The following COL20A1 variants were observed in gnomAD, a reference collection of about 807,000 sequenced individuals.
COL20A1 encodes the protein collagen type XX alpha 1 chain.
COL20A1 carries 164 observed loss-of-function variants against 152.9 expected under a neutral mutation model. The ratio of observed to expected loss-of-function variants is 1.07; its 90% CI spans 0.94 to 1.22. The LOEUF (loss-of-function observed/expected upper bound fraction) is 1.22, where lower values mean the gene tolerates loss of function less well. COL20A1 is among the 50% of genes most tolerant of loss of function. The pLI is 0.00. For missense variants in COL20A1, 1,873 were observed against 1,744.8 expected, an observed-to-expected ratio of 1.07 and a Z score of -1.31; for synonymous variants, 864 against 756.0, an observed-to-expected ratio of 1.14 and a Z score of -2.34.
rs57666953 is a variant in COL20A1 at position 63,329,443 on chromosome 20, C to T, written c.3782-142C>T. 1,159 of 655,642 alleles carry T rather than the reference C, an allele frequency of 1.8e-3. 7 individuals carry two copies. Among genetic ancestry groups the T allele is most frequent in the African/African-American group, 0.016 (907 of 55,080 alleles). 40.6% of individuals were successfully genotyped at this position (655,642 alleles called of 1,614,324 possible). A position where few individuals can be genotyped will look rare whatever the true frequency, so the allele number is the denominator to read the frequency against. On this transcript the variant is annotated intron_variant, in intron 34 of 35. Transcript: ENST00000358894. ...AGCACGGGGACCTGGCACGCTGCTG[C>T]CCCTAGATCTCAGACTCCCATCTAA...
At position 63,295,131 on chromosome 20, in the gene COL20A1, C is replaced by A; in HGVS notation, c.24C>A (p.His8Gln). The A allele has an allele frequency of 6.4e-7, 1 of 1,553,266 alleles. No individual in the cohort carries two copies. Among genetic ancestry groups the A allele is most frequent in the Non-Finnish European group, 8.7e-7 (1 of 1,148,590 alleles). ...CCATGAGCTCCGGAGACCCTGCACA[C>A]CTCGGCCTCTGCCTCTGGCTGTGGC... is the stretch of plus-strand genomic sequence containing the variant. MSSGDPA[H>Q]LGLCLWLWLG... Residue 8 changes from histidine (H) to glutamine (Q), a missense_variant, in exon 2 of 36, where the codon CAC becomes CAA. By Grantham distance (24) the His-to-Gln change is conservative. Transcript: ENST00000358894.
intron 3 of COL20A1, among the ~76,000 whole-genome samples, chr20:63,304,015 C>T (rs2067891015): frequency 6.9e-6 from 1 of 145,920 alleles, no homozygotes; most frequent in Admixed American, 6.8e-5. Flanking sequence ...CTCCCTTCCT[C>T]CCTCCAGGTG....
intron 28 of COL20A1, 62 bp from the exon 29 acceptor site, chr20:63,325,602 ACAGG>A: frequency 6.4e-7 from 1 of 1,568,470 alleles, no homozygotes. Flanking sequence ...GTGAGGCCTC[ACAGG>A]CAGGGCCACC....
Position 63,305,675 on chromosome 20 carries a change from T to G in COL20A1, c.337+115T>G. 7.9e-7 allele frequency: 1 copy of G among 1,266,430 alleles called. No homozygotes were observed. Among genetic ancestry groups the G allele is most frequent in the South Asian group, 1.5e-5 (1 of 66,754 alleles). 78.4% of individuals were successfully genotyped at this position (1,266,430 alleles called of 1,614,324 possible). On this transcript the variant is annotated intron_variant, in intron 4 of 35. Transcript: ENST00000358894. This position sits in a 1 kb window ranked among gnomAD's most constrained non-coding sequence, Gnocchi z 4.9. ...CGTTCCAGCCCCAGGGGTGGGTATG[T>G]GTGAAGCAGTTCTGGGCTGTGCTAG...
Position 63,319,015 on chromosome 20 carries a change from C to T in COL20A1, c.2664-43C>T. 6.4e-7 allele frequency: 1 copy of T among 1,561,430 alleles called. No individual in the cohort carries two copies. Among genetic ancestry groups the T allele is most frequent in the Non-Finnish European group, 8.8e-7 (1 of 1,135,484 alleles). ...GATCGTTCTGCCAGGTTTGGCTGCCCTTGGGTCTGCTCATGTGCCTCTCCC... is the reference window on the plus strand; with the variant it reads ...GATCGTTCTGCCAGGTTTGGCTGCCTTTGGGTCTGCTCATGTGCCTCTCCC... On this transcript the variant is annotated intron_variant, in intron 21 of 35. Coordinates refer to ENST00000358894, the MANE Select transcript of COL20A1 (RefSeq NM_020882.4). The surrounding 1 kb of genome is among the most constrained non-coding windows in gnomAD (Gnocchi z 4.4).
chr20:63,296,093 G>A (rs1301596595), intron 2 of COL20A1, among the ~76,000 whole-genome samples: 1 of 152,238 alleles, frequency 6.6e-6, no homozygotes, highest in African/African-American at 2.4e-5. Context: ...CCCCGGTGTA[G>A]CGTGGAGCCG....
At position 63,306,213 on chromosome 20, in the gene COL20A1, G is replaced by A. The variant is rs894045317; in HGVS notation, c.496+174G>A. Among the ~76,000 whole-genome samples, 11 of 136,434 alleles carry A rather than the reference G, an allele frequency of 8.1e-5. No homozygotes were observed. In the South Asian group the frequency reaches 1.1e-3, roughly 13 times the overall value. The allele number at this position is 136,434 out of a possible 152,430, so 89.5% of individuals were successfully genotyped here. The stretch of plus-strand genomic sequence containing the variant: ...CCACACGGTCTCTGACCACGAGGCC[G>A]GGAAGTTCTTCCTCGTGTCTGACCA... On this transcript the variant is annotated intron_variant, in intron 5 of 35. Coordinates refer to ENST00000358894, the MANE Select transcript of COL20A1 (RefSeq NM_020882.4). The surrounding 1 kb of genome is among the most constrained non-coding windows in gnomAD (Gnocchi z 6.9).
rs528997947 is a variant in COL20A1 at position 63,305,717 on chromosome 20, C to T, written c.337+157C>T. Among the ~76,000 whole-genome samples the T allele has an allele frequency of 5.9e-5, 9 of 152,292 alleles. No homozygotes were observed. Among genetic ancestry groups the T allele is most frequent in the South Asian group, 2.1e-4 (1 of 4,822 alleles). On this transcript the variant is annotated intron_variant, in intron 4 of 35. Transcript: ENST00000358894. The surrounding 1 kb of genome is among the most constrained non-coding windows in gnomAD (Gnocchi z 4.9). ...CTGTGCTAGGGGCAGGTTCAAGTCC[C>T]GACTCACCAGCAAGGCTGCCTTGCC...
In COL20A1 at chr20:63,314,107, G is replaced by A; in HGVS notation, c.2394G>A (p.Leu798=). ...SVPGARSHVT[L]PDLQAATKYR... Reference sequence around the variant, plus strand: ...CAGGAGCCAGGAGCCACGTGACACTGCCCGACCTGCAGGCAGCCACGAAGT... The same window carrying A: ...CAGGAGCCAGGAGCCACGTGACACTACCCGACCTGCAGGCAGCCACGAAGT... The change falls in exon 19 of 36, where the codon CTG becomes CTA. Residue 798 remains leucine, a synonymous_variant. Transcript: ENST00000358894. The A allele has an allele frequency of 6.2e-7, 1 of 1,612,708 alleles. No individual in the cohort carries two copies.
At chr20:63,314,004 G>A in intron 18 of COL20A1, 68 bp from the exon 19 acceptor site, 1 of 1,607,230 alleles carries the variant, frequency 6.2e-7, no homozygotes, top group Non-Finnish European at 8.5e-7. Flanking sequence ...GCAGAGGGAG[G>A]CAGCTGAGCC....
At chr20:63,324,968 C>T (rs2068221689) in intron 27 of COL20A1, 1 of 267,908 alleles carries the variant, frequency 3.7e-6, no homozygotes, top group African/African-American at 2.3e-5. Context: ...CCCCCCACAC[C>T]CCGTTAGAAC....
rs2068323930 is a variant in COL20A1 at position 63,330,813 on chromosome 20, A to AG, written c.*97_*98insG. On this transcript the variant is annotated 3_prime_UTR_variant, in exon 36 of 36. Coordinates refer to ENST00000358894, the MANE Select transcript of COL20A1 (RefSeq NM_020882.4). ...ACCACATCCTGGAGAAGCCAGGAGAAAAGCTCAGGAAGAGCCTGCAGGTGG... is the reference window on the plus strand; with the variant it reads ...ACCACATCCTGGAGAAGCCAGGAGAAGAAGCTCAGGAAGAGCCTGCAGGTGG... The AG allele has an allele frequency of 2.0e-5, 3 of 152,184 alleles. No homozygotes were observed. The highest frequency in any genetic ancestry group is 6.5e-5 in the Admixed American group (1 of 15,280). 9.4% of individuals were successfully genotyped at this position (152,184 alleles called of 1,614,324 possible).
At position 63,320,113 on chromosome 20, in the gene COL20A1, GGAGATGGGCA is replaced by G. The variant is rs751143798; in HGVS notation, c.2993_3002del (p.Glu998AlafsTer136). ...GGAAGGTGGCTGAGCGGCCCCTTGGGGAGATGGGCAGCCCACCCGCTGCGGGCTTCGTCAC... is the reference window on the plus strand; with the variant it reads ...GGAAGGTGGCTGAGCGGCCCCTTGGGGCCCACCCGCTGCGGGCTTCGTCAC... On this transcript the variant is annotated frameshift_variant, in exon 24 of 36. Coordinates refer to ENST00000358894, the MANE Select transcript of COL20A1 (RefSeq NM_020882.4). LOFTEE classifies it high-confidence loss of function. 14 of 1,551,392 alleles carry G rather than the reference GGAGATGGGCA, an allele frequency of 9.0e-6. No homozygotes were observed. The highest frequency in any genetic ancestry group is 1.2e-5 in the Non-Finnish European group (14 of 1,148,038).
intron 34 of COL20A1, 72 bp from the exon 35 acceptor site, chr20:63,329,513 T>C: frequency 2.5e-6 from 3 of 1,214,576 alleles, no homozygotes; most frequent in Non-Finnish European, 3.6e-6. Context: ...CCTGACACCC[T>C]CTGTCCCCGT....
chr20:63,327,899 G>C (rs969828595), intron 31 of COL20A1, 53 bp from the exon 32 acceptor site: 3 of 1,543,770 alleles, frequency 1.9e-6, no homozygotes, highest in Non-Finnish European at 2.6e-6. Flanking sequence ...CACTTGTCAC[G>C]TGTGGTCTCA....
chr20:63,294,998 G>C lies in COL20A1; in HGVS notation c.-10-100G>C, dbSNP rs192325035. ...GGGGTGGAGCCCGGTGTGGGGACAG[G>C]CTGCCTGGCCCTCGAGGATTTGGAG... On this transcript the variant is annotated intron_variant, in intron 1 of 35. Transcript: ENST00000358894. The C allele has an allele frequency of 1.1e-4, 78 of 730,860 alleles. 2 individuals are homozygous for C. The African/African-American group carries it at 1.1e-3, about 10-fold the overall frequency. 45.3% of individuals were successfully genotyped at this position (730,860 alleles called of 1,614,324 possible).
At chr20:63,310,331 A>T (rs766355301) in intron 10 of COL20A1, 50 bp from the exon 11 acceptor site, 1 of 1,593,702 alleles carries the variant, frequency 6.3e-7, no homozygotes, top group South Asian at 1.1e-5. Context: ...CCTGCTCCCC[A>T]TCCCCCGGCA....
chr20:63,325,251 C>T (rs1177372040), intron 27 of COL20A1, 190 bp from the exon 28 acceptor site: 11 of 705,054 alleles, frequency 1.6e-5, no homozygotes, highest in Admixed American at 4.0e-5. Context: ...AGGCCCTACC[C>T]GCTGCCTGTG....
chr20:63,307,615 C>T lies in COL20A1; in HGVS notation c.622C>T (p.Pro208Ser), dbSNP rs375441222. The T allele has an allele frequency of 9.3e-6, 15 of 1,612,478 alleles. No homozygotes were observed. The highest frequency in any genetic ancestry group is 6.6e-5 in the South Asian group (6 of 91,088). The change falls in exon 6 of 36, where the codon CCC becomes TCC. Residue 208 changes from proline to serine, a missense_variant. Physicochemically the swap from Pro to Ser is moderately conservative, Grantham distance 74. Coordinates refer to ENST00000358894, the MANE Select transcript of COL20A1 (RefSeq NM_020882.4). ...VKDFLASVIA[P>S]FEIGPDKVQV... is the part of the protein sequence containing the mutation. ...GGACTTCCTGGCCAGTGTCATCGCACCCTTTGAAATCGGGCCGGATAAGGT... is the reference window on the plus strand; with the variant it reads ...GGACTTCCTGGCCAGTGTCATCGCATCCTTTGAAATCGGGCCGGATAAGGT...
Sources: gnomAD v4.1 joint callset for allele counts (sites outside exome capture counted in the v4.1 genomes callset) on GRCh38, gnomAD v4.1.1 for gene constraint, Gnocchi (gnomAD v3.1) non-coding constraint, MANE v1.5 for transcripts, NCBI Gene and HGNC (gene_info 2026-07-23, HGNC 2026-07-21) for gene names.